Variants in EPHB1 observed in about 807,000 individuals in gnomAD.
The protein encoded by EPHB1 is EPH receptor B1.
A neutral mutation model predicts 94.4 loss-of-function variants in EPHB1; 30 were observed. That is an observed-to-expected ratio of 0.32 (90% CI 0.24 to 0.43). EPHB1 has a LOEUF of 0.43. Among genes scored for constraint, EPHB1 ranks in the 20% least tolerant of loss-of-function variants. The probability of loss-of-function intolerance (pLI) is 1.00; values close to 1 mark genes in which losing one functional copy is unlikely to be tolerated. For missense variants in EPHB1, 1,055 were observed against 1,308.3 expected (o/e 0.81, Z 2.99); for synonymous variants, 522 against 489.1 (o/e 1.07, Z -0.89).
At chr3:135,021,357 T>A (rs1935982457) in intron 3 of EPHB1, among the ~76,000 whole-genome samples, 1 of 152,128 alleles carries the variant, frequency 6.6e-6, no homozygotes, top group East Asian at 1.9e-4. Context: ...TCTTATTTTA[T>A]ATATTTTATT....
At chr3:135,047,557 C>T (rs1310918440) in intron 3 of EPHB1, among the ~76,000 whole-genome samples, 1 of 152,224 alleles carries the variant, frequency 6.6e-6, no homozygotes, top group African/African-American at 2.4e-5. Context: ...AACTGCTTCC[C>T]TGCCTGCAGC....
chr3:134,818,208 A>G (rs1263421381), intron 1 of EPHB1, among the ~76,000 whole-genome samples: 3 of 152,066 alleles, frequency 2.0e-5, no homozygotes. Context: ...CTTTCATTTA[A>G]CCCTTCATTC....
At chr3:135,041,564 A>G (rs1460480972) in intron 3 of EPHB1, among the ~76,000 whole-genome samples, 3 of 152,214 alleles carry the variant, frequency 2.0e-5, no homozygotes, top group African/African-American at 7.2e-5. Context: ...TATGGGCAAG[A>G]AGGTAGAGAC....
At chr3:135,117,387 T>G (rs560140004) in intron 4 of EPHB1, among the ~76,000 whole-genome samples, 156 of 152,362 alleles carry the variant, frequency 1.0e-3, no homozygotes, top group Non-Finnish European at 2.0e-3. Context: ...ACCTGAGAAC[T>G]GCTATGATAT....
rs73861960 is a variant in EPHB1, at chr3:134,822,413, T to C, written c.58+26724T>C. ...TGGCCATGAGTGAGCAGAGCTGGTG[T>C]AGGCTGATGTGGTATGCCGGGTGAT... On this transcript the variant is annotated intron_variant, in intron 1 of 15. Transcript: ENST00000398015. 6.7e-3 allele frequency among the ~76,000 whole-genome samples: 1,023 copies of C among 152,310 alleles called. 6 individuals are homozygous for C. Among genetic ancestry groups the C allele is most frequent in the African/African-American group, 0.024 (981 of 41,560 alleles).
At chr3:135,149,907 G>A (rs115493062) in intron 5 of EPHB1, among the ~76,000 whole-genome samples, 1,787 of 152,214 alleles carry the variant, frequency 0.012, 32 homozygotes, top group African/African-American at 0.04. Context: ...TGACAGGAGC[G>A]TTTCTCTCCA....
intron 1 of EPHB1, among the ~76,000 whole-genome samples, chr3:134,922,379 T>C (rs889207154): frequency 6.6e-6 from 1 of 152,216 alleles, no homozygotes; most frequent in African/African-American, 2.4e-5. Context: ...GTGGATGGTT[T>C]ATGGTTTTGT....
intron 3 of EPHB1, among the ~76,000 whole-genome samples, chr3:134,968,105 T>C (rs2107725484): frequency 6.6e-6 from 1 of 152,250 alleles, no homozygotes; most frequent in Admixed American, 6.5e-5. Context: ...GCAGCTTGAG[T>C]TGTTGAATCC....
At chr3:134,952,942 A>G (rs189146932) in intron 3 of EPHB1, among the ~76,000 whole-genome samples, 135 of 152,316 alleles carry the variant, frequency 8.9e-4, no homozygotes, top group African/African-American at 3.1e-3. Flanking sequence ...GTTGGGGAAG[A>G]GAAGACTGCT....
At chr3:134,913,116 T>C (rs1353954115) in intron 1 of EPHB1, among the ~76,000 whole-genome samples, 2 of 152,198 alleles carry the variant, frequency 1.3e-5, no homozygotes, top group African/African-American at 2.4e-5. Context: ...GCAGCGTCAG[T>C]CCTTGCATCC....
intron 3 of EPHB1, among the ~76,000 whole-genome samples, chr3:135,082,184 G>A (rs542903323): frequency 2.0e-5 from 3 of 152,234 alleles, no homozygotes; most frequent in South Asian, 4.1e-4. Context: ...GGGGCACCAC[G>A]GACAGACATG....
At chr3:134,923,102 C>G (rs2038721487) in intron 1 of EPHB1, among the ~76,000 whole-genome samples, 1 of 152,190 alleles carries the variant, frequency 6.6e-6, no homozygotes, top group African/African-American at 2.4e-5. Context: ...AGGGACCAGC[C>G]TCCCCAGCTG....
At chr3:134,816,127 G>A (rs1234931351) in intron 1 of EPHB1, among the ~76,000 whole-genome samples, 4 of 111,318 alleles carry the variant, frequency 3.6e-5, no homozygotes, top group South Asian at 3.1e-4. Flanking sequence ...CTGTCACCCA[G>A]GCTGGAGTGC....
intron 2 of EPHB1, among the ~76,000 whole-genome samples, chr3:134,950,458 G>T (rs1235942965): frequency 6.6e-6 from 1 of 152,196 alleles, no homozygotes; most frequent in Non-Finnish European, 1.5e-5. Flanking sequence ...CAACTGAGCT[G>T]AGTAATTTAT....
intron 3 of EPHB1, among the ~76,000 whole-genome samples, chr3:135,096,920 A>AC (rs1559828418): frequency 6.6e-6 from 1 of 151,784 alleles, no homozygotes; most frequent in African/African-American, 2.4e-5. Context: ...ACACGGTGAA[A>AC]CCCCGTCTCT....
intron 1 of EPHB1, among the ~76,000 whole-genome samples, chr3:134,910,451 G>A (rs1285461014): frequency 6.6e-6 from 1 of 152,232 alleles, no homozygotes; most frequent in Non-Finnish European, 1.5e-5. Context: ...AGGCTGGTGA[G>A]GAGGATATTT....
chr3:134,915,037 C>T (rs549464026), intron 1 of EPHB1, among the ~76,000 whole-genome samples: 1 of 152,234 alleles, frequency 6.6e-6, no homozygotes, highest in African/African-American at 2.4e-5. Context: ...GAATGGGTAT[C>T]TTTGGAGGAA....
At chr3:135,115,498 G>A (rs1939657834) in intron 4 of EPHB1, among the ~76,000 whole-genome samples, 1 of 152,142 alleles carries the variant, frequency 6.6e-6, no homozygotes, top group African/African-American at 2.4e-5. Context: ...AGCATTCTCA[G>A]CTATTCAGAG....
chr3:135,170,140 C>T (rs1003277191), intron 9 of EPHB1, among the ~76,000 whole-genome samples: 1 of 152,184 alleles, frequency 6.6e-6, no homozygotes, highest in African/African-American at 2.4e-5. Flanking sequence ...CCTGAGAGAG[C>T]CCCTGCCTTT....
Sources: allele counts gnomAD v4.1 joint callset (sites outside exome capture counted in the v4.1 genomes callset), GRCh38; gene constraint gnomAD v4.1.1; transcripts MANE v1.5; gene names NCBI Gene and HGNC (gene_info 2026-07-23, HGNC 2026-07-21).